Variants in ANO1 observed in about 807,000 individuals in gnomAD.
ANO1 encodes the protein anoctamin 1, also known as anoctamin-1.
Under a neutral mutation model 124.0 loss-of-function variants are expected in ANO1, and 59 were observed. The observed-to-expected ratio is 0.48, with a 90% CI of 0.39 to 0.59. The LOEUF (loss-of-function observed/expected upper bound fraction) is 0.59. Ranked by LOEUF, ANO1 falls within the 20% of genes least tolerant of loss-of-function variation. The pLI is 0.00. For synonymous variants in ANO1, 529 were observed against 532.0 expected, an observed-to-expected ratio of 0.99 and a Z score of 0.08; for missense variants, 1,059 against 1,328.0, an observed-to-expected ratio of 0.80 and a Z score of 3.15.
intron 2 of ANO1, among the ~76,000 whole-genome samples, chr11:70,095,422 G>GA (rs1209925491): frequency 0.18 from 9,175 of 49,682 alleles, 1,361 homozygotes; most frequent in Admixed American, 0.28. Context: ...AAGAAAGAAA[G>GA]AAAGAAAAGA....
At chr11:70,095,427 A>AAAAGAAAGAAAAGAAAGAAAAG (rs1465646549) in intron 2 of ANO1, among the ~76,000 whole-genome samples, 11 of 30,690 alleles carry the variant, frequency 3.6e-4, no homozygotes, top group Non-Finnish European at 5.3e-4. Flanking sequence ...AGAAAGAAAG[A>AAAAGAAAGAAAAGAAAGAAAAG]AAAGAAAAGA....
chr11:70,139,080 C>G (rs1002238257), intron 11 of ANO1, among the ~76,000 whole-genome samples: 1 of 152,190 alleles, frequency 6.6e-6, no homozygotes, highest in African/African-American at 2.4e-5. Context: ...GGATAATGGT[C>G]TCTAGCTCCA....
At chr11:70,112,115 T>C (rs1374135208) in intron 7 of ANO1, among the ~76,000 whole-genome samples, 1 of 152,192 alleles carries the variant, frequency 6.6e-6, no homozygotes, top group Non-Finnish European at 1.5e-5. Context: ...TGACCAGGGC[T>C]CTGTACGTGT....
chr11:70,085,179 C>T (rs746883375), intron 1 of ANO1, among the ~76,000 whole-genome samples: 14 of 152,168 alleles, frequency 9.2e-5, no homozygotes, highest in Non-Finnish European at 1.6e-4. Flanking sequence ...ATAGCTCTTT[C>T]GTGCTTCTCC....
intron 1 of ANO1, among the ~76,000 whole-genome samples, chr11:70,013,486 G>T (rs1387672520): frequency 4.6e-5 from 7 of 152,130 alleles, no homozygotes; most frequent in African/African-American, 1.7e-4. Flanking sequence ...CCATAACAAA[G>T]TGTCAGCTGG....
At chr11:70,115,047 T>C (rs2045923573) in intron 7 of ANO1, among the ~76,000 whole-genome samples, 1 of 152,144 alleles carries the variant, frequency 6.6e-6, no homozygotes, top group African/African-American at 2.4e-5. Flanking sequence ...CGCGTGGCTG[T>C]CTCATCCATG....
intron 11 of ANO1, among the ~76,000 whole-genome samples, chr11:70,149,109 C>T (rs973639878): frequency 2.6e-5 from 4 of 152,278 alleles, no homozygotes; most frequent in East Asian, 1.9e-4. Flanking sequence ...ACCTCCGAAC[C>T]GGGGCCCCCG....
Position 70,188,138 on chromosome 11 carries a change from T to C in ANO1, c.*134T>C. 1 of 998,800 alleles carries C rather than the reference T, an allele frequency of 1.0e-6. No homozygotes were observed. Among genetic ancestry groups the C allele is most frequent in the South Asian group, 1.7e-5 (1 of 58,274 alleles). The allele number at this position is 998,800 out of a possible 1,614,324, so 61.9% of individuals were successfully genotyped here. ...TCTGCAAACATGGAGGACCACTTTC[T>C]GATAGGACATTTTCCTTTCTTCTTT... On this transcript the variant is annotated 3_prime_UTR_variant, in exon 26 of 26. Transcript: ENST00000355303.
chr11:70,094,882 G>A (rs1041067041), intron 2 of ANO1, among the ~76,000 whole-genome samples: 36 of 152,302 alleles, frequency 2.4e-4, no homozygotes, highest in African/African-American at 8.7e-4. Context: ...CTTTTGGCTT[G>A]TCTTGGTTTC....
rs367757995 is a variant in ANO1 at position 70,171,039 on chromosome 11, G to A, written c.2350G>A (p.Gly784Arg). The change falls in exon 22 of 26, where the codon GGA becomes AGA. Residue 784 changes from glycine to arginine, a missense_variant and splice_region_variant. Around this residue, in one of 2 missense-constraint regions of ANO1, gnomAD observed 809 missense variants for 1,094.9 expected, o/e 0.74. Coordinates refer to ENST00000355303, the MANE Select transcript of ANO1 (RefSeq NM_018043.7). ...GGTAGCTGTCAGAGCCAAAGACATC[G>A]GTGAGTGACCCCACGGGCCGGCAGA... Reference protein sequence around the residue: ...RPVAVRAKDIGIWYNILRGIG... With the variant: ...RPVAVRAKDIRIWYNILRGIG... The A allele has an allele frequency of 1.9e-6, 3 of 1,611,492 alleles. No homozygotes were observed. The highest frequency in any genetic ancestry group is 2.5e-6 in the Non-Finnish European group (3 of 1,178,922).
chr11:70,134,124 A>G (rs2509178), intron 11 of ANO1, among the ~76,000 whole-genome samples: 30,196 of 152,182 alleles, frequency 0.2, 3,102 homozygotes, highest in Middle Eastern at 0.3. Flanking sequence ...CAGAGGCCTC[A>G]GCCCCGAGGC....
intron 1 of ANO1, among the ~76,000 whole-genome samples, chr11:70,018,642 C>T (rs1856743820): frequency 6.6e-6 from 1 of 152,140 alleles, no homozygotes; most frequent in African/African-American, 2.4e-5. Flanking sequence ...ATTGGAAGCA[C>T]AAGCAGAAAA....
intron 12 of ANO1, among the ~76,000 whole-genome samples, chr11:70,151,232 C>A (rs1202330334): frequency 2.0e-5 from 3 of 152,282 alleles, no homozygotes; most frequent in Non-Finnish European, 2.9e-5. Flanking sequence ...GGCTGCCCGG[C>A]TAGTGGCCAC....
chr11:70,172,478 A>G (rs1358892435), intron 22 of ANO1, among the ~76,000 whole-genome samples: 2 of 152,252 alleles, frequency 1.3e-5, no homozygotes, highest in Non-Finnish European at 2.9e-5. Flanking sequence ...GTTGAATTAC[A>G]TATTGGGGAT....
chr11:70,066,689 C>T (rs540460417), intron 1 of ANO1, among the ~76,000 whole-genome samples: 92 of 152,318 alleles, frequency 6.0e-4, no homozygotes, highest in Middle Eastern at 3.4e-3. Context: ...ACAGCAGAGA[C>T]GTCTGGTCTC....
At chr11:70,073,392 G>T (rs1208530349), upstream of ANO1, among the ~76,000 whole-genome samples, 1 of 152,198 alleles carries the variant, frequency 6.6e-6, no homozygotes, top group African/African-American at 2.4e-5. Context: ...GAATGCACTT[G>T]CAGATGGCTG....
chr11:70,108,103 G>A (rs2045630373), intron 5 of ANO1: 1 of 464,878 alleles, frequency 2.2e-6, no homozygotes, highest in Non-Finnish European at 3.9e-6. Context: ...CTCCCACGTT[G>A]GGAGGTGAAA....
intron 23 of ANO1, among the ~76,000 whole-genome samples, chr11:70,182,110 C>T (rs1019535156): frequency 6.6e-6 from 1 of 152,128 alleles, no homozygotes; most frequent in Non-Finnish European, 1.5e-5. Flanking sequence ...ATTCCCTTCT[C>T]CAACAAGCCC....
chr11:70,138,269 C>G lies in ANO1; in HGVS notation c.1258+6190C>G, dbSNP rs2047020632. ...CTGAGGCAGGAGAATCACTTGAACC[C>G]GGGAGGCAGAGGTTGCAGTGAGCCA... On this transcript the variant is annotated intron_variant, in intron 11 of 25. Coordinates refer to ENST00000355303, the MANE Select transcript of ANO1 (RefSeq NM_018043.7). Among the ~76,000 whole-genome samples the G allele has an allele frequency of 1.5e-5, 2 of 130,698 alleles. 1 individual carries two copies. The highest frequency in any genetic ancestry group is 6.1e-4 in the South Asian group (2 of 3,254). The allele number at this position is 130,698 out of a possible 152,430, so 85.7% of individuals were successfully genotyped here. A position where few individuals can be genotyped will look rare whatever the true frequency, so the allele number is the denominator to read the frequency against.
Sources: allele counts gnomAD v4.1 joint callset (sites outside exome capture counted in the v4.1 genomes callset), GRCh38; gene constraint gnomAD v4.1.1; regional missense constraint gnomAD v4.1.1; transcripts MANE v1.5; gene names NCBI Gene and HGNC (gene_info 2026-07-23, HGNC 2026-07-21).